The following ABCC8 variants were observed in gnomAD, a reference collection of about 807,000 sequenced individuals.
ABCC8 encodes the protein ATP binding cassette subfamily C member 8, also known as ATP-binding cassette sub-family C member 8.
A neutral mutation model predicts 188.0 loss-of-function variants in ABCC8; 137 were observed. The ratio of observed to expected loss-of-function variants is 0.73; its 90% CI spans 0.63 to 0.84. The LOEUF (loss-of-function observed/expected upper bound fraction) is 0.84. Among genes scored for constraint, ABCC8 ranks in the 40% least tolerant of loss-of-function variants. The pLI, the probability that ABCC8 is intolerant of heterozygous loss-of-function variation, is 0.00. For synonymous variants in ABCC8, 797 were observed against 846.5 expected (o/e 0.94, Z 1.01); for missense variants, 1,750 against 2,072.7 (o/e 0.84, Z 3.02).
At chr11:17,464,521 G>A (rs1040986453) in intron 3 of ABCC8, among the ~76,000 whole-genome samples, 2 of 152,210 alleles carry the variant, frequency 1.3e-5, no homozygotes, top group African/African-American at 4.8e-5. Context: ...AATCATAATA[G>A]TGCTACCTAG....
At chr11:17,446,230 T>C (rs562922006) in intron 8 of ABCC8, among the ~76,000 whole-genome samples, 12 of 152,206 alleles carry the variant, frequency 7.9e-5, no homozygotes, top group South Asian at 6.2e-4. Context: ...CCTCCCAAAG[T>C]GCTGGGATTA....
chr11:17,457,274 G>GCA (rs377623764), intron 6 of ABCC8, among the ~76,000 whole-genome samples: 2 of 151,898 alleles, frequency 1.3e-5, no homozygotes, highest in East Asian at 3.9e-4. Flanking sequence ...ACACACACAT[G>GCA]CACACACACA....
intron 38 of ABCC8, among the ~76,000 whole-genome samples, chr11:17,393,445 G>A (rs997699215): frequency 4.6e-5 from 7 of 152,208 alleles, no homozygotes; most frequent in African/African-American, 1.4e-4. Context: ...CCTTGGGACA[G>A]GGGCAGGCCT....
intron 7 of ABCC8, among the ~76,000 whole-genome samples, chr11:17,451,890 C>T (rs2283258): frequency 0.23 from 35,045 of 152,130 alleles, 4,834 homozygotes; most frequent in Middle Eastern, 0.36. Flanking sequence ...AAGGAAAATG[C>T]GTTCCCTCCT....
At chr11:17,449,480 A>T (rs1305055386) in intron 7 of ABCC8, among the ~76,000 whole-genome samples, 1 of 152,220 alleles carries the variant, frequency 6.6e-6, no homozygotes, top group Non-Finnish European at 1.5e-5. Flanking sequence ...AGTCAGCCCC[A>T]GCACCATCCC....
intron 6 of ABCC8, among the ~76,000 whole-genome samples, chr11:17,457,353 T>C (rs529855490): frequency 6.6e-6 from 1 of 152,196 alleles, no homozygotes; most frequent in East Asian, 1.9e-4. Context: ...AAGCAGTTCT[T>C]AGGGGAACTC....
Position 17,442,647 on chromosome 11 carries a change from T to C in ABCC8, c.1630+73A>G, listed in dbSNP as rs2133594744. ...CTGCTTCTGTCCCTGCACCCCCTCT[T>C]ACCCGAGCTCTGACACCCTCTCCTT... On this transcript the variant is annotated intron_variant, in intron 10 of 38. Transcript: ENST00000389817. The C allele has an allele frequency of 6.0e-6, 9 of 1,487,914 alleles. No individual in the cohort carries two copies. In the South Asian group the frequency reaches 7.9e-5, roughly 13 times the overall value. The allele number at this position is 1,487,914 out of a possible 1,614,324, so 92.2% of individuals were successfully genotyped here. A position where few individuals can be genotyped will look rare whatever the true frequency, so the allele number is the denominator to read the frequency against.
At position 17,461,809 on chromosome 11, in the gene ABCC8, T is replaced by C. The variant is rs1358780276; in HGVS notation, c.596A>G (p.Lys199Arg). ...VIRVRRYIFFKTPREVKPPED... is the reference protein window; with the variant it reads ...VIRVRRYIFFRTPREVKPPED... ...GGGAGGCTTCACCTCCCTCGGTGTC[T>C]TGAAGAAGATGTATCTCTGTGGGGC... The change falls in exon 5 of 39, where the codon AAG (lysine) becomes AGG (arginine). Residue 199 changes from lysine (K) to arginine (R), a missense_variant. Physicochemically the swap from Lys to Arg is conservative, Grantham distance 26. Transcript: ENST00000389817. The C allele has an allele frequency of 6.2e-7, 1 of 1,614,070 alleles. No individual in the cohort carries two copies. The highest frequency in any genetic ancestry group is 1.1e-5 in the South Asian group (1 of 91,066).
chr11:17,429,830 G>C (rs1373042516), intron 12 of ABCC8: 1 of 152,158 alleles, frequency 6.6e-6, no homozygotes, highest in African/African-American at 2.4e-5. Context: ...TGTTTAACCA[G>C]CTACTGCCTG....
intron 10 of ABCC8, among the ~76,000 whole-genome samples, chr11:17,440,161 T>G (rs899271397): frequency 1.3e-5 from 2 of 152,116 alleles, no homozygotes; most frequent in Admixed American, 1.3e-4. Flanking sequence ...GCCCCCACTT[T>G]CCTTGTTGTT....
intron 33 of ABCC8, 71 bp downstream of exon 33, chr11:17,396,845 T>C: frequency 6.3e-7 from 1 of 1,592,164 alleles, no homozygotes; most frequent in East Asian, 2.2e-5. Flanking sequence ...TGCGAAGCCA[T>C]CCAGCTCCGT....
chr11:17,471,315 G>A (rs1220508967), intron 2 of ABCC8, among the ~76,000 whole-genome samples: 2 of 152,222 alleles, frequency 1.3e-5, no homozygotes, highest in Non-Finnish European at 2.9e-5. Flanking sequence ...ACCAAGGACA[G>A]CTTCCCAGAG....
At chr11:17,428,533 C>G (rs1225936317) in intron 13 of ABCC8, 32 bp downstream of exon 13, 13 of 1,613,234 alleles carry the variant, frequency 8.1e-6, no homozygotes, top group Non-Finnish European at 1.0e-5. Flanking sequence ...GAGGACCATG[C>G]TGGGAGTAGC....
rs759504091 is a variant in ABCC8, at chr11:17,443,171, C to A, written c.1467+7G>T. ...GGGACAAAACACACACACCTTTGGG[C>A]ACTCACCAGTGTGCTCCGCTGGGCC... On this transcript the variant is annotated splice_region_variant and intron_variant, in intron 9 of 38. Transcript: ENST00000389817. 1 of 1,614,076 alleles carries A rather than the reference C, an allele frequency of 6.2e-7. No individual in the cohort carries two copies. The highest frequency in any genetic ancestry group is 1.1e-5 in the South Asian group (1 of 91,068).
intron 16 of ABCC8, among the ~76,000 whole-genome samples, chr11:17,423,356 C>CAAAAA (rs58524307): frequency 0.37 from 23,534 of 63,208 alleles, 5,731 homozygotes; most frequent in East Asian, 0.51. Context: ...GACTCCGTCT[C>CAAAAA]AAAAAAAAAA....
At chr11:17,393,650 G>T in intron 38 of ABCC8, 47 bp downstream of exon 38, 2 of 1,613,426 alleles carry the variant, frequency 1.2e-6, no homozygotes, top group Non-Finnish European at 1.7e-6. Flanking sequence ...CAACAGGCCA[G>T]TCCTGTCCCT....
intron 10 of ABCC8, among the ~76,000 whole-genome samples, chr11:17,434,090 T>C (rs994588999): frequency 1.3e-5 from 2 of 152,088 alleles, no homozygotes; most frequent in African/African-American, 4.8e-5. Flanking sequence ...ACCAACTACA[T>C]AGTTCTAAAT....
intron 8 of ABCC8, 62 bp downstream of exon 8, chr11:17,448,454 A>G: frequency 6.8e-7 from 1 of 1,465,290 alleles, no homozygotes; most frequent in Non-Finnish European, 9.6e-7. Context: ...CTGGCCATGG[A>G]CCAGCAGATT....
At chr11:17,453,784 A>C (rs545299076) in intron 6 of ABCC8, among the ~76,000 whole-genome samples, 5 of 152,298 alleles carry the variant, frequency 3.3e-5, no homozygotes, top group African/African-American at 1.2e-4. Flanking sequence ...CTCTCAGGAG[A>C]GAATGAGAGC....
Sources: allele counts gnomAD v4.1 joint callset (sites outside exome capture counted in the v4.1 genomes callset), GRCh38; gene constraint gnomAD v4.1.1; transcripts MANE v1.5; gene names NCBI Gene and HGNC (gene_info 2026-07-23, HGNC 2026-07-21).